Variants in VTI1A observed in about 807,000 individuals in gnomAD.
VTI1A encodes the protein vesicle transport through interaction with t-SNAREs 1A.
Under a neutral mutation model 34.9 loss-of-function variants are expected in VTI1A, and 22 were observed. The ratio of observed to expected loss-of-function variants is 0.63; its 90% CI spans 0.45 to 0.90. VTI1A has a LOEUF of 0.90. Ranked by LOEUF, VTI1A falls within the 40% of genes least tolerant of loss-of-function variation. The pLI is 0.00. For missense variants in VTI1A, 268 were observed against 275.6 expected (o/e 0.97, Z 0.20); for synonymous variants, 87 against 97.3 (o/e 0.89, Z 0.62).
chr10:112,850,155 C>T, the VTI1A span, among the ~76,000 whole-genome samples: 1 of 152,128 alleles, frequency 6.6e-6, no homozygotes, highest in Non-Finnish European at 1.5e-5. Flanking sequence ...TTTCCCAGAA[C>T]ATTTCAAAGC....
chr10:112,502,355 T>C (rs186548477), intron 3 of VTI1A, among the ~76,000 whole-genome samples: 9 of 152,298 alleles, frequency 5.9e-5, no homozygotes, highest in Admixed American at 2.6e-4. Flanking sequence ...TTAAATCTAC[T>C]ATAATTTTTT....
At chr10:112,597,908 A>G (rs1205349135) in intron 5 of VTI1A, among the ~76,000 whole-genome samples, 1 of 150,792 alleles carries the variant, frequency 6.6e-6, no homozygotes, top group Non-Finnish European at 1.5e-5. Context: ...CGCGTTAGCC[A>G]GGATGGTCTC....
chr10:112,789,455 G>A (rs1852391803), intron 7 of VTI1A, among the ~76,000 whole-genome samples: 1 of 152,080 alleles, frequency 6.6e-6, no homozygotes, highest in South Asian at 2.1e-4. Context: ...AGTCATTTTT[G>A]TCTTGCTATT....
chr10:112,780,949 G>A (rs977624308), intron 7 of VTI1A, among the ~76,000 whole-genome samples: 4 of 151,858 alleles, frequency 2.6e-5, no homozygotes, highest in South Asian at 4.2e-4. Context: ...TTAACCTAGC[G>A]CATTCTTCAG....
chr10:112,679,829 C>T (rs916757285), intron 7 of VTI1A, among the ~76,000 whole-genome samples: 2 of 151,722 alleles, frequency 1.3e-5, no homozygotes, highest in Admixed American at 1.3e-4. Flanking sequence ...CGAATCAGGT[C>T]CCCCAATGCT....
chr10:112,721,308 A>G (rs897068991), intron 7 of VTI1A, among the ~76,000 whole-genome samples: 1 of 152,244 alleles, frequency 6.6e-6, no homozygotes, highest in Admixed American at 6.5e-5. Context: ...TACCATTGCC[A>G]TAGTTAACAG....
Position 112,816,535 on chromosome 10 carries a change from T to A in VTI1A, c.*1152T>A, listed in dbSNP as rs571639574. On this transcript the variant is annotated 3_prime_UTR_variant, in exon 8 of 8. Transcript: ENST00000393077. ...TCAAACTTCTAATATGCTTTGTGATTTTTTTCTTTCATTTCTTTCTGTCTG... is the reference window on the plus strand; with the variant it reads ...TCAAACTTCTAATATGCTTTGTGATATTTTTCTTTCATTTCTTTCTGTCTG... 4.5e-6 allele frequency: 1 copy of A among 224,198 alleles called. No homozygotes were observed. Among genetic ancestry groups the A allele is most frequent in the South Asian group, 1.8e-4 (1 of 5,438 alleles). 13.9% of individuals were successfully genotyped at this position (224,198 alleles called of 1,614,324 possible).
At chr10:112,850,334 A>C in the VTI1A span, among the ~76,000 whole-genome samples, 1 of 145,690 alleles carries the variant, frequency 6.9e-6, no homozygotes, top group Non-Finnish European at 1.5e-5. Flanking sequence ...TTTTCGAACT[A>C]TGTGAGTCAT....
intron 7 of VTI1A, chr10:112,737,445 C>A (rs1850527338): frequency 1.9e-6 from 2 of 1,040,940 alleles, no homozygotes; most frequent in Non-Finnish European, 2.3e-6. Context: ...CAAAAAAGTT[C>A]TAACAAAATA....
At chr10:112,517,347 G>A (rs943872486) in intron 3 of VTI1A, among the ~76,000 whole-genome samples, 1 of 151,912 alleles carries the variant, frequency 6.6e-6, no homozygotes, top group Non-Finnish European at 1.5e-5. Flanking sequence ...AGTATTGGAC[G>A]ATAACCCAGA....
chr10:112,611,018 G>C lies in VTI1A; in HGVS notation c.428-57200G>C, dbSNP rs1845287893. 5.3e-5 allele frequency among the ~76,000 whole-genome samples: 8 copies of C among 152,034 alleles called. No homozygotes were observed. In the South Asian group the frequency reaches 1.5e-3, roughly 28 times the overall value. ...GAAATGAAAATGTCTATCAGTTGTT[G>C]TCAGGCAGATTTTTGCTACTTTCTT... On this transcript the variant is annotated intron_variant, in intron 5 of 7. Coordinates refer to ENST00000393077, the MANE Select transcript of VTI1A (RefSeq NM_145206.4).
chr10:112,754,811 G>A (rs532973845), intron 7 of VTI1A, among the ~76,000 whole-genome samples: 1 of 152,258 alleles, frequency 6.6e-6, no homozygotes, highest in East Asian at 1.9e-4. Flanking sequence ...AACTAGAATC[G>A]GTCTAGGAAA....
intron 5 of VTI1A, among the ~76,000 whole-genome samples, chr10:112,541,404 G>A (rs1850864261): frequency 6.6e-6 from 1 of 152,054 alleles, no homozygotes; most frequent in Admixed American, 6.6e-5. Flanking sequence ...GTAAAATAAG[G>A]TCATATATAT....
In VTI1A at chr10:112,815,939, T is replaced by TGTACAGGAA. The variant is rs1451913271; in HGVS notation, c.*557_*565dup. The TGTACAGGAA allele has an allele frequency of 4.3e-6, 1 of 230,982 alleles. No homozygotes were observed. Among genetic ancestry groups the TGTACAGGAA allele is most frequent in the Non-Finnish European group, 8.6e-6 (1 of 116,786 alleles). 14.3% of individuals were successfully genotyped at this position (230,982 alleles called of 1,614,324 possible). A position where few individuals can be genotyped will look rare whatever the true frequency, so the allele number is the denominator to read the frequency against. On this transcript the variant is annotated 3_prime_UTR_variant, in exon 8 of 8. Coordinates refer to ENST00000393077, the MANE Select transcript of VTI1A (RefSeq NM_145206.4). ...GTAAAGGTCGGTATTTAATGTCGGTTGTACAGGAAATTGACTTAGCACTTT... is the reference window on the plus strand; with the variant it reads ...GTAAAGGTCGGTATTTAATGTCGGTTGTACAGGAAGTACAGGAAATTGACTTAGCACTTT...
intron 5 of VTI1A, among the ~76,000 whole-genome samples, chr10:112,641,057 A>G (rs1846550397): frequency 6.6e-6 from 1 of 151,886 alleles, no homozygotes; most frequent in Non-Finnish European, 1.5e-5. Flanking sequence ...CTATTACAGA[A>G]AAAGCAAAAG....
intron 3 of VTI1A, among the ~76,000 whole-genome samples, chr10:112,498,751 TTTTG>T (rs960014165): frequency 4.6e-5 from 7 of 152,228 alleles, no homozygotes; most frequent in Admixed American, 1.3e-4. Context: ...ACCATTTTTT[TTTTG>T]TTTGTTTGTT....
At chr10:112,820,752 A>T (rs1286899691), downstream of VTI1A, among the ~76,000 whole-genome samples, 1 of 152,150 alleles carries the variant, frequency 6.6e-6, no homozygotes, top group Admixed American at 6.5e-5. Context: ...TCCCATCTCT[A>T]TTGGGATTCC....
intron 7 of VTI1A, among the ~76,000 whole-genome samples, chr10:112,787,011 A>G (rs1331790849): frequency 6.6e-6 from 1 of 152,134 alleles, no homozygotes; most frequent in Non-Finnish European, 1.5e-5. Context: ...GATGTAATTC[A>G]TTATTTAAGC....
At chr10:112,520,743 G>C (rs937718481) in intron 3 of VTI1A, among the ~76,000 whole-genome samples, 1 of 150,890 alleles carries the variant, frequency 6.6e-6, no homozygotes, top group Non-Finnish European at 1.5e-5. Flanking sequence ...TAATTTAGGG[G>C]AAATGTGGTA....
Sources: gnomAD v4.1 joint callset for allele counts (sites outside exome capture counted in the v4.1 genomes callset) on GRCh38, gnomAD v4.1.1 for gene constraint, MANE v1.5 for transcripts, NCBI Gene and HGNC (gene_info 2026-07-23, HGNC 2026-07-21) for gene names.